Variants in PCDHGA2 observed in about 807,000 individuals in gnomAD.
PCDHGA2 encodes the protein protocadherin gamma subfamily A, 2, also known as protocadherin gamma-A2.
PCDHGA2 carries 40 observed loss-of-function variants against 59.2 expected under a neutral mutation model. The observed-to-expected ratio is 0.68, with a 90% CI of 0.52 to 0.88. The LOEUF (loss-of-function observed/expected upper bound fraction) is 0.88. Among genes scored for constraint, PCDHGA2 ranks in the 40% least tolerant of loss-of-function variants. PCDHGA2 has a pLI of 0.00. For synonymous variants in PCDHGA2, 560 were observed against 526.0 expected (o/e 1.06, Z -0.89); for missense variants, 1,226 against 1,204.0 (o/e 1.02, Z -0.27).
chr5:141,364,884 G>C, intron 1 of PCDHGA2: 1 of 1,614,002 alleles, frequency 6.2e-7, no homozygotes, highest in Non-Finnish European at 8.5e-7. Context: ...GTGGTAAGCG[G>C]AACTGATGGA....
chr5:141,366,189 G>C, intron 1 of PCDHGA2: 1 of 1,613,922 alleles, frequency 6.2e-7, no homozygotes, highest in Non-Finnish European at 8.5e-7. Context: ...TTTGCGGTTG[G>C]GCTGCACACG....
At chr5:141,346,287 A>G (rs1561492062) in intron 1 of PCDHGA2, 1 of 1,614,106 alleles carries the variant, frequency 6.2e-7, no homozygotes, top group Non-Finnish European at 8.5e-7. Flanking sequence ...TTTCCTGCAG[A>G]CCTATTCCCA....
At chr5:141,422,198 A>G (rs2096632774) in intron 1 of PCDHGA2, 1 of 1,562,340 alleles carries the variant, frequency 6.4e-7, no homozygotes, top group Non-Finnish European at 8.6e-7. Flanking sequence ...CAAGGCCAAG[A>G]TGGTGGAGGT....
chr5:141,509,207 A>C (rs1263006059), intron 3 of PCDHGA2, among the ~76,000 whole-genome samples: 2 of 151,694 alleles, frequency 1.3e-5, no homozygotes, highest in Non-Finnish European at 2.9e-5. Context: ...CTGTCTCTCT[A>C]TTTCTCAATC....
chr5:141,491,284 A>C lies in PCDHGA2; in HGVS notation c.2425-3523A>C. ...AATGCCCAAATCCAGTGACTTCCTC[A>C]TACACCCTCCTGAGCGTTCAGACCT... On this transcript the variant is annotated intron_variant, in intron 1 of 3. Transcript: ENST00000394576. The surrounding 1 kb of genome is among the most constrained non-coding windows in gnomAD (Gnocchi z 6.9). 1.2e-6 allele frequency: 2 copies of C among 1,614,128 alleles called. No homozygotes were observed. The highest frequency in any genetic ancestry group is 1.7e-6 in the Non-Finnish European group (2 of 1,179,978).
At chr5:141,345,592 TC>T (rs1757604773) in intron 1 of PCDHGA2, 1 of 1,614,038 alleles carries the variant, frequency 6.2e-7, no homozygotes. Flanking sequence ...CTGAGATCCT[TC>T]GACTACGAGC....
In PCDHGA2 at chr5:141,339,145, A is replaced by C. The variant is rs774942690; in HGVS notation, c.174A>C (p.Ala58=). The C allele has an allele frequency of 1.2e-6, 2 of 1,614,210 alleles. No homozygotes were observed. The highest frequency in any genetic ancestry group is 2.2e-5 in the South Asian group (2 of 91,088). ...IAKDLGLEPL[A]LAEQGVRIVS... is the part of the protein sequence containing the mutation. ...AGGACTTGGGTTTGGAGCCCCTGGC[A>C]CTGGCAGAGCAGGGAGTCCGCATCG... The change falls in exon 1 of 4, where the codon GCA becomes GCC. Residue 58 remains alanine, a synonymous_variant. Transcript: ENST00000394576.
At chr5:141,458,632 C>T (rs779075931) in intron 1 of PCDHGA2, among the ~76,000 whole-genome samples, 1 of 151,898 alleles carries the variant, frequency 6.6e-6, no homozygotes, top group Non-Finnish European at 1.5e-5. Context: ...TGCAGTGGCA[C>T]AATCCCAGCT....
Position 141,362,398 on chromosome 5 carries a change from T to C in PCDHGA2, c.2424+21003T>C, listed in dbSNP as rs748697747. 16 of 1,613,926 alleles carry C rather than the reference T, an allele frequency of 9.9e-6. No individual in the cohort carries two copies. Among genetic ancestry groups the C allele is most frequent in the Admixed American group, 5.0e-5 (3 of 60,014 alleles). ...TACATTGCCCTATTCCTACAACCTG[T>C]GTGTTGCCTCACAATCAGCCAAGAC... On this transcript the variant is annotated intron_variant, in intron 1 of 3. Coordinates refer to ENST00000394576, the MANE Select transcript of PCDHGA2 (RefSeq NM_018915.4).
At chr5:141,370,615 T>A in intron 1 of PCDHGA2, 2 of 1,613,882 alleles carry the variant, frequency 1.2e-6, no homozygotes, top group Non-Finnish European at 1.7e-6. Context: ...GAGAAGAAAT[T>A]CTTTACCGTG....
intron 1 of PCDHGA2, chr5:141,398,003 A>C: frequency 1.4e-6 from 2 of 1,391,912 alleles, no homozygotes; most frequent in East Asian, 5.0e-5. Context: ...TCCTCGGAAA[A>C]AGAATCGTTT....
chr5:141,370,269 G>A (rs1185604406), intron 1 of PCDHGA2: 1 of 783,942 alleles, frequency 1.3e-6, no homozygotes, highest in Admixed American at 3.1e-5. Flanking sequence ...TCCTGCAGCG[G>A]AGACACCCAT....
At position 141,399,193 on chromosome 5, in the gene PCDHGA2, G is replaced by A. The variant is rs138699584; in HGVS notation, c.2424+57798G>A. ...TCTACTTGAAATGATTCTGGAAAAC[G>A]CGGTGCCTGGAACACTAATTGCTTT... is the stretch of plus-strand genomic sequence containing the variant. On this transcript the variant is annotated intron_variant, in intron 1 of 3. Transcript: ENST00000394576. The A allele has an allele frequency of 4.9e-3, 7,970 of 1,613,820 alleles. 45 individuals are homozygous for A. Among genetic ancestry groups the A allele is most frequent in the Admixed American group, 9.4e-3 (567 of 60,008 alleles).
chr5:141,490,205 C>A lies in PCDHGA2; in HGVS notation c.2425-4602C>A. 1 of 1,614,168 alleles carries A rather than the reference C, an allele frequency of 6.2e-7. No individual in the cohort carries two copies. The highest frequency in any genetic ancestry group is 8.5e-7 in the Non-Finnish European group (1 of 1,180,004). ...CGTTTCTATGAAATTCATGCAAGAG[C>A]CCGTGACCAGGGACAGCCTGCCATG... On this transcript the variant is annotated intron_variant, in intron 1 of 3. Transcript: ENST00000394576. This position sits in a 1 kb window ranked among gnomAD's most constrained non-coding sequence, Gnocchi z 5.4.
intron 1 of PCDHGA2, chr5:141,357,208 G>A: frequency 1.2e-6 from 2 of 1,613,854 alleles, no homozygotes; most frequent in African/African-American, 1.3e-5. Flanking sequence ...CAGCATCCCA[G>A]ATGTCCTGGC....
intron 1 of PCDHGA2, chr5:141,395,506 G>T: frequency 4.6e-6 from 2 of 433,794 alleles, no homozygotes; most frequent in Non-Finnish European, 8.1e-6. Flanking sequence ...CACTTAAGAA[G>T]TAGCTACCCG....
intron 1 of PCDHGA2, chr5:141,413,290 A>T: frequency 6.2e-7 from 1 of 1,613,924 alleles, no homozygotes; most frequent in Non-Finnish European, 8.5e-7. Context: ...CTCCTACTCA[A>T]TTCCTGAGGA....
rs759899934 is a variant in PCDHGA2, at chr5:141,421,255, C to G, written c.2425-73552C>G. The stretch of plus-strand genomic sequence containing the variant: ...GGCGAATCGGCTACAGCGCGGGGAC[C>G]GCAGTCGGCTGCTGCTGCTGCTGTG... On this transcript the variant is annotated intron_variant, in intron 1 of 3. Coordinates refer to ENST00000394576, the MANE Select transcript of PCDHGA2 (RefSeq NM_018915.4). The G allele has an allele frequency of 6.0e-5, 97 of 1,607,644 alleles. No individual in the cohort carries two copies. Among genetic ancestry groups the G allele is most frequent in the Middle Eastern group, 3.3e-4 (2 of 6,058 alleles).
At chr5:141,372,130 C>T in intron 1 of PCDHGA2, 4 of 1,613,648 alleles carry the variant, frequency 2.5e-6, no homozygotes, top group South Asian at 1.1e-5. Context: ...GATATGGTGC[C>T]GCGCTCTGCA....
Sources: allele counts gnomAD v4.1 joint callset (sites outside exome capture counted in the v4.1 genomes callset), GRCh38; gene constraint gnomAD v4.1.1; non-coding constraint Gnocchi (gnomAD v3.1); transcripts MANE v1.5; gene names NCBI Gene and HGNC (gene_info 2026-07-23, HGNC 2026-07-21).